Variants in SRD5A3 observed in about 807,000 individuals in gnomAD.
SRD5A3 encodes the protein steroid 5 alpha-reductase 3.
Under a neutral mutation model 34.3 loss-of-function variants are expected in SRD5A3, and 24 were observed. The ratio of observed to expected loss-of-function variants is 0.70; its 90% CI spans 0.51 to 0.99. The LOEUF (loss-of-function observed/expected upper bound fraction) is 0.99, where lower values mean the gene tolerates loss of function less well. Ranked by LOEUF, SRD5A3 falls within the 50% of genes least tolerant of loss-of-function variation. SRD5A3 has a pLI of 0.00. For synonymous variants in SRD5A3, 161 were observed against 167.3 expected, an observed-to-expected ratio of 0.96 and a Z score of 0.29; for missense variants, 350 against 388.2, an observed-to-expected ratio of 0.90 and a Z score of 0.83.
intron 4 of SRD5A3, 90 bp downstream of exon 4, chr4:55,367,812 G>A (rs1719961878): frequency 2.0e-6 from 3 of 1,517,204 alleles, no homozygotes; most frequent in African/African-American, 1.4e-5. Flanking sequence ...TCCTGCCCTA[G>A]TTAGTTGACT....
intron 3 of SRD5A3, 61 bp downstream of exon 3, chr4:55,364,332 G>A (rs2109480601): frequency 6.4e-7 from 1 of 1,565,288 alleles, no homozygotes; most frequent in African/African-American, 1.4e-5. Flanking sequence ...CGCTCTCGGG[G>A]CTTGTGCTGT....
chr4:55,363,277 T>C (rs1353977284), intron 2 of SRD5A3, among the ~76,000 whole-genome samples: 2 of 152,028 alleles, frequency 1.3e-5, no homozygotes, highest in Admixed American at 6.6e-5. Flanking sequence ...AAAAAAAATT[T>C]TTTTTTAATT....
At chr4:55,346,674 G>A (rs1719011286) in intron 1 of SRD5A3, 117 bp downstream of exon 1, 3 of 1,003,156 alleles carry the variant, frequency 3.0e-6, no homozygotes, top group East Asian at 3.3e-5. Flanking sequence ...GGAGGCCCTG[G>A]CGGGTTCCCG....
At chr4:55,351,606 G>A (rs1031543303) in intron 1 of SRD5A3, among the ~76,000 whole-genome samples, 2 of 151,816 alleles carry the variant, frequency 1.3e-5, no homozygotes, top group Non-Finnish European at 2.9e-5. Context: ...GCAGTGAGCC[G>A]AGACTGTGCC....
At position 55,372,633 on chromosome 4, in the gene SRD5A3, C is replaced by T. The variant is rs1720168184; in HGVS notation, c.*2542C>T. 1 of 152,174 alleles carries T rather than the reference C, an allele frequency of 6.6e-6. No homozygotes were observed. The highest frequency in any genetic ancestry group is 1.5e-5 in the Non-Finnish European group (1 of 68,040). 9.4% of individuals were successfully genotyped at this position (152,174 alleles called of 1,614,324 possible). ...GTGCGTAAAGGGAGAGCATCAGGGACTTTGCAAATTCTTCACAAGGACCCA... is the reference window on the plus strand; with the variant it reads ...GTGCGTAAAGGGAGAGCATCAGGGATTTTGCAAATTCTTCACAAGGACCCA... On this transcript the variant is annotated 3_prime_UTR_variant, in exon 5 of 5. Coordinates refer to ENST00000264228, the MANE Select transcript of SRD5A3 (RefSeq NM_024592.5).
At chr4:55,359,305 G>C in intron 1 of SRD5A3, 41 bp from the exon 2 acceptor site, 1 of 1,612,316 alleles carries the variant, frequency 6.2e-7, no homozygotes, top group Non-Finnish European at 8.5e-7. Context: ...GCTTGAAGTG[G>C]ATCTACCCTA....
chr4:55,364,476 T>C (rs1426686274), intron 3 of SRD5A3: 1 of 593,072 alleles, frequency 1.7e-6, no homozygotes, highest in South Asian at 1.9e-5. Context: ...TTTGGGAGGC[T>C]GAGGCAGGTG....
At chr4:55,349,655 C>T (rs957102826) in intron 1 of SRD5A3, among the ~76,000 whole-genome samples, 6 of 151,886 alleles carry the variant, frequency 4.0e-5, no homozygotes, top group African/African-American at 1.2e-4. Flanking sequence ...TCATGATGCT[C>T]TGGGTTGCAT....
chr4:55,346,659 G>T (rs1464637988), intron 1 of SRD5A3, 102 bp downstream of exon 1: 3 of 1,140,536 alleles, frequency 2.6e-6, no homozygotes, highest in African/African-American at 3.3e-5. Context: ...GCGGGACCCG[G>T]CCTGGGAGGC....
chr4:55,358,656 C>T (rs1719565128), intron 1 of SRD5A3, among the ~76,000 whole-genome samples: 2 of 151,438 alleles, frequency 1.3e-5, no homozygotes, highest in South Asian at 2.1e-4. Context: ...AAATTAACAT[C>T]GCTAATTTCA....
In SRD5A3 at chr4:55,364,229, G is replaced by T; in HGVS notation, c.520G>T (p.Gly174Cys). The change falls in exon 3 of 5, where the codon GGC (glycine) becomes TGC (cysteine). Residue 174 changes from glycine (G) to cysteine (C), a missense_variant. Physicochemically the swap from Gly to Cys is radical, Grantham distance 159. This residue lies in a region of SRD5A3 where 186 missense variants were observed against 221.4 expected (regional missense o/e 0.84). Coordinates refer to ENST00000264228, the MANE Select transcript of SRD5A3 (RefSeq NM_024592.5). ...TGGACTTGTCTATTATGTCCTTGTT[G>T]GCCTAACTGTGCTGAGCCAAGTGCC... ...CFGLVYYVLVGLTVLSQVPMD... is the reference protein window; with the variant it reads ...CFGLVYYVLVCLTVLSQVPMD... 6.2e-7 allele frequency: 1 copy of T among 1,614,118 alleles called. No homozygotes were observed. Among genetic ancestry groups the T allele is most frequent in the Non-Finnish European group, 8.5e-7 (1 of 1,180,032 alleles).
chr4:55,356,945 T>G (rs1185381433), intron 1 of SRD5A3, among the ~76,000 whole-genome samples: 1 of 152,178 alleles, frequency 6.6e-6, no homozygotes, highest in African/African-American at 2.4e-5. Context: ...ACCCTCGCCC[T>G]TGGCCATGCC....
chr4:55,363,754 G>A (rs1024478132), intron 2 of SRD5A3, among the ~76,000 whole-genome samples: 4 of 152,182 alleles, frequency 2.6e-5, no homozygotes, highest in Non-Finnish European at 4.4e-5. Flanking sequence ...TTTGCATCTG[G>A]CTGTTAGTGC....
At chr4:55,366,287 C>A (rs1719895771) in intron 3 of SRD5A3, among the ~76,000 whole-genome samples, 1 of 152,208 alleles carries the variant, frequency 6.6e-6, no homozygotes, top group Non-Finnish European at 1.5e-5. Flanking sequence ...TGTAACTTTT[C>A]ATCCTGTTGA....
intron 4 of SRD5A3, 199 bp from the exon 5 acceptor site, chr4:55,369,633 A>G: frequency 1.6e-6 from 1 of 624,396 alleles, no homozygotes; most frequent in South Asian, 2.0e-5. Context: ...GGGCAGTTTG[A>G]GATGGGAGGA....
intron 1 of SRD5A3, among the ~76,000 whole-genome samples, chr4:55,354,172 C>G (rs921961047): frequency 6.6e-6 from 1 of 152,166 alleles, no homozygotes; most frequent in Non-Finnish European, 1.5e-5. Context: ...TGTGGGCTCA[C>G]TGCAGCCTCC....
rs1719199988 is a variant in SRD5A3 at position 55,351,671 on chromosome 4, G to GTT, written c.221+5114_221+5115insTT. 14 of 280,952 alleles carry GTT rather than the reference G, an allele frequency of 5.0e-5. 2 individuals are homozygous for GTT. The South Asian group carries it at 5.3e-4, about 11-fold the overall frequency. The allele number at this position is 280,952 out of a possible 1,614,324, so 17.4% of individuals were successfully genotyped here. A position where few individuals can be genotyped will look rare whatever the true frequency, so the allele number is the denominator to read the frequency against. ...AAACTTCATCTCAAAAAAAAAAAGGGGTGAGCATATTTAACCATCCTCAGC... is the reference window on the plus strand; with the variant it reads ...AAACTTCATCTCAAAAAAAAAAAGGGTTGTGAGCATATTTAACCATCCTCAGC... On this transcript the variant is annotated intron_variant, in intron 1 of 4. Transcript: ENST00000264228.
chr4:55,355,615 T>C (rs1187150297), intron 1 of SRD5A3, among the ~76,000 whole-genome samples: 2 of 152,144 alleles, frequency 1.3e-5, no homozygotes, highest in Non-Finnish European at 2.9e-5. Context: ...CAAAACCCAC[T>C]TGAGTGATAT....
chr4:55,369,731 A>C (rs1720049134), intron 4 of SRD5A3, 101 bp from the exon 5 acceptor site: 1 of 99,828 alleles, frequency 1.0e-5, no homozygotes. Flanking sequence ...ACTTTGCCTC[A>C]AAAAAAAAAA....
Sources: gnomAD v4.1 joint callset for allele counts (sites outside exome capture counted in the v4.1 genomes callset) on GRCh38, gnomAD v4.1.1 for gene constraint, gnomAD v4.1.1 regional missense constraint, MANE v1.5 for transcripts, NCBI Gene and HGNC (gene_info 2026-07-23, HGNC 2026-07-21) for gene names.